COL23A1: variants seen among roughly 807,000 people sequenced by gnomAD.
COL23A1 encodes collagen alpha-1(XXIII) chain.
A neutral mutation model predicts 99.3 loss-of-function variants in COL23A1; 97 were observed. That is an observed-to-expected ratio of 0.98 (90% CI 0.83 to 1.16). The LOEUF (loss-of-function observed/expected upper bound fraction) is 1.16. COL23A1 is among the 50% of genes most tolerant of loss of function. The pLI, the probability that COL23A1 is intolerant of heterozygous loss-of-function variation, is 0.00. For missense variants in COL23A1, 762 were observed against 757.4 expected (o/e 1.01, Z -0.07); for synonymous variants, 320 against 308.2 (o/e 1.04, Z -0.40).
intron 2 of COL23A1, among the ~76,000 whole-genome samples, chr5:178,551,287 T>G (rs987557194): frequency 6.6e-6 from 1 of 151,512 alleles, no homozygotes; most frequent in African/African-American, 2.4e-5. Context: ...CAAGAACATC[T>G]CCAGATTCCA....
rs941310226 is a variant in COL23A1 at position 178,242,506 on chromosome 5, A to G, written c.1441-112T>C. On this transcript the variant is annotated intron_variant, in intron 25 of 28. Transcript: ENST00000390654. ...CACACGCCCACTTTCCCCCCTGCAT[A>G]TTCGTGGCACACGCTGGCCTAGCCC... is the stretch of plus-strand genomic sequence containing the variant. The G allele has an allele frequency of 3.7e-6, 4 of 1,069,966 alleles. No homozygotes were observed. In the African/African-American group the frequency reaches 6.3e-5, roughly 17 times the overall value. The allele number at this position is 1,069,966 out of a possible 1,614,324, so 66.3% of individuals were successfully genotyped here.
intron 2 of COL23A1, among the ~76,000 whole-genome samples, chr5:178,357,166 C>T (rs918768787): frequency 2.6e-5 from 4 of 152,360 alleles, no homozygotes; most frequent in South Asian, 4.1e-4. Flanking sequence ...GGTTCCCTCC[C>T]TGGTGACCTG....
At chr5:178,321,045 T>A (rs1759273119) in intron 2 of COL23A1, among the ~76,000 whole-genome samples, 1 of 152,260 alleles carries the variant, frequency 6.6e-6, no homozygotes, top group African/African-American at 2.4e-5. Context: ...TTTATTAAGA[T>A]ATGATTCACA....
intron 2 of COL23A1, among the ~76,000 whole-genome samples, chr5:178,447,985 G>A (rs1767258293): frequency 1.3e-5 from 2 of 152,160 alleles, no homozygotes; most frequent in African/African-American, 4.8e-5. Context: ...CCACACTCGA[G>A]GGTCTGAGTG....
chr5:178,518,636 GAC>G (rs1392744883), intron 2 of COL23A1, among the ~76,000 whole-genome samples: 10 of 122,028 alleles, frequency 8.2e-5, no homozygotes, highest in South Asian at 2.8e-4. Flanking sequence ...GCCGGGCAGA[GAC>G]GCTCCTCACT....
At chr5:178,446,137 C>A (rs184143281) in intron 2 of COL23A1, among the ~76,000 whole-genome samples, 1 of 151,826 alleles carries the variant, frequency 6.6e-6, no homozygotes, top group Non-Finnish European at 1.5e-5. Context: ...AGTACAGGGG[C>A]GTTCTTAAAT....
At chr5:178,582,206 CAAA>C (rs11315118) in intron 1 of COL23A1, among the ~76,000 whole-genome samples, 2 of 31,618 alleles carry the variant, frequency 6.3e-5, no homozygotes, top group South Asian at 1.1e-3. Flanking sequence ...GACTCTATCT[CAAA>C]AAAAAAAAAA....
At chr5:178,346,568 T>C (rs1011261655) in intron 2 of COL23A1, among the ~76,000 whole-genome samples, 2 of 152,208 alleles carry the variant, frequency 1.3e-5, no homozygotes, top group African/African-American at 4.8e-5. Context: ...AACAGACATA[T>C]GTACATACGT....
At chr5:178,472,953 T>TACAAA (rs1196004072) in intron 2 of COL23A1, among the ~76,000 whole-genome samples, 1 of 152,090 alleles carries the variant, frequency 6.6e-6, no homozygotes, top group Non-Finnish European at 1.5e-5. Flanking sequence ...AGTGAGACTC[T>TACAAA]ATCTCTACAA....
At position 178,464,052 on chromosome 5, in the gene COL23A1, G is replaced by GT. The variant is rs574043476; in HGVS notation, c.361+96629dup. On this transcript the variant is annotated intron_variant, in intron 2 of 28. Coordinates refer to ENST00000390654, the MANE Select transcript of COL23A1 (RefSeq NM_173465.4). ...TGTTCACCTACCCCCTTTTACTGCCGTAACATACACATAACACAAAATGTA... is the reference window on the plus strand; with the variant it reads ...TGTTCACCTACCCCCTTTTACTGCCGTTAACATACACATAACACAAAATGTA... Among the ~76,000 whole-genome samples, 334 of 152,262 alleles carry GT rather than the reference G, an allele frequency of 2.2e-3. 2 individuals carry two copies. The highest frequency in any genetic ancestry group is 7.7e-3 in the African/African-American group (318 of 41,558).
chr5:178,390,144 T>C (rs188436536), intron 2 of COL23A1, among the ~76,000 whole-genome samples: 1 of 152,308 alleles, frequency 6.6e-6, no homozygotes, highest in African/African-American at 2.4e-5. Context: ...GGGTACTGGT[T>C]TGAACCCCAT....
intron 8 of COL23A1, 99 bp downstream of exon 8, chr5:178,267,208 G>C: frequency 7.6e-7 from 1 of 1,307,588 alleles, no homozygotes; most frequent in East Asian, 2.3e-5. Context: ...TCTGTGATGA[G>C]CTGCGGGGAG....
intron 27 of COL23A1, among the ~76,000 whole-genome samples, chr5:178,240,528 G>A (rs981597257): frequency 2.0e-5 from 3 of 152,204 alleles, no homozygotes; most frequent in South Asian, 2.1e-4. Flanking sequence ...GCCTCCGCAC[G>A]TGGGATTCTC....
intron 2 of COL23A1, among the ~76,000 whole-genome samples, chr5:178,460,849 C>G (rs2127899859): frequency 6.6e-6 from 1 of 152,270 alleles, no homozygotes; most frequent in South Asian, 2.1e-4. Context: ...ACCATGCTGC[C>G]CTGTGGTCTT....
At chr5:178,410,935 C>T (rs1249134802) in intron 2 of COL23A1, among the ~76,000 whole-genome samples, 1 of 152,124 alleles carries the variant, frequency 6.6e-6, no homozygotes, top group African/African-American at 2.4e-5. Context: ...AAAACGCTTA[C>T]AACTCAACAA....
At chr5:178,382,965 G>A (rs1763464916) in intron 2 of COL23A1, among the ~76,000 whole-genome samples, 1 of 152,182 alleles carries the variant, frequency 6.6e-6, no homozygotes, top group Admixed American at 6.5e-5. Context: ...GCCCACTCCA[G>A]TGCAGACCTG....
chr5:178,502,192 C>T (rs535050456), intron 2 of COL23A1, among the ~76,000 whole-genome samples: 156 of 152,270 alleles, frequency 1.0e-3, no homozygotes, highest in Non-Finnish European at 1.7e-3. Flanking sequence ...AGTGCAGTGG[C>T]GTGATCTCGG....
chr5:178,322,337 G>A (rs1025060309), intron 2 of COL23A1, among the ~76,000 whole-genome samples: 1 of 152,178 alleles, frequency 6.6e-6, no homozygotes, highest in African/African-American at 2.4e-5. Flanking sequence ...GTTTCGCCAT[G>A]TTGGTCAGGC....
intron 2 of COL23A1, among the ~76,000 whole-genome samples, chr5:178,465,093 G>A (rs1169590699): frequency 6.6e-6 from 1 of 152,190 alleles, no homozygotes; most frequent in African/African-American, 2.4e-5. Context: ...CCAGCCAGGT[G>A]GGGCCAGGGG....
Sources: allele counts gnomAD v4.1 joint callset (sites outside exome capture counted in the v4.1 genomes callset), GRCh38; gene constraint gnomAD v4.1.1; transcripts MANE v1.5; gene names NCBI Gene and HGNC (gene_info 2026-07-23, HGNC 2026-07-21).